LOC128706666: variants seen among roughly 807,000 people sequenced by gnomAD.
chr20:10,416,854 C>T, the LOC128706666 span, among the ~76,000 whole-genome samples: 4 of 152,316 alleles, frequency 2.6e-5, no homozygotes, highest in South Asian at 2.1e-4. Context: ...TATTGGAAAG[C>T]AGCCATGCTC....
chr20:10,416,928 G>C, the LOC128706666 span, among the ~76,000 whole-genome samples: 2 of 152,186 alleles, frequency 1.3e-5, no homozygotes, highest in Non-Finnish European at 2.9e-5. Flanking sequence ...GGTTGGTATA[G>C]ACACTATATG....
the LOC128706666 span, among the ~76,000 whole-genome samples, chr20:10,429,672 A>G: frequency 0.48 from 72,863 of 151,958 alleles, 18,331 homozygotes; most frequent in Non-Finnish European, 0.56. Context: ...CATGCTCCTC[A>G]TCAACTCACT....
At chr20:10,432,381 G>C in the LOC128706666 span, among the ~76,000 whole-genome samples, 1 of 152,118 alleles carries the variant, frequency 6.6e-6, no homozygotes, top group African/African-American at 2.4e-5. Context: ...CCCAACCTAG[G>C]ACAATCTAGA....
At chr20:10,416,895 T>C in the LOC128706666 span, among the ~76,000 whole-genome samples, 5 of 152,304 alleles carry the variant, frequency 3.3e-5, no homozygotes, top group African/African-American at 1.2e-4. Context: ...TGAGTGCTTT[T>C]ACACTACAAC....
chr20:10,421,312 T>G, the LOC128706666 span, among the ~76,000 whole-genome samples: 2 of 151,308 alleles, frequency 1.3e-5, no homozygotes, highest in African/African-American at 4.9e-5. Flanking sequence ...TAATCCTAGC[T>G]ACTCTGGAGG....
chr20:10,417,656 C>A, the LOC128706666 span, among the ~76,000 whole-genome samples: 2 of 111,248 alleles, frequency 1.8e-5, no homozygotes, highest in East Asian at 4.3e-4. Flanking sequence ...TGCTACTGCA[C>A]TGTAGCCTTC....
At chr20:10,418,177 G>A in the LOC128706666 span, among the ~76,000 whole-genome samples, 1 of 152,214 alleles carries the variant, frequency 6.6e-6, no homozygotes, top group South Asian at 2.1e-4. Context: ...GGACTACATA[G>A]TGGAGCTTAA....
chr20:10,418,596 T>C, the LOC128706666 span, among the ~76,000 whole-genome samples: 1 of 152,154 alleles, frequency 6.6e-6, no homozygotes, highest in South Asian at 2.1e-4. Flanking sequence ...TTTTAACTAT[T>C]GCTGCACTGG....
the LOC128706666 span, among the ~76,000 whole-genome samples, chr20:10,419,772 C>A: frequency 6.6e-6 from 1 of 152,116 alleles, no homozygotes; most frequent in African/African-American, 2.4e-5. Context: ...TCACATCCTG[C>A]GTGGATGAAG....
At chr20:10,427,225 A>G in the LOC128706666 span, among the ~76,000 whole-genome samples, 2 of 152,204 alleles carry the variant, frequency 1.3e-5, no homozygotes, top group Admixed American at 6.5e-5. Context: ...TAGGCCTAAA[A>G]TAACTTGGAT....
chr20:10,432,519 G>A, the LOC128706666 span, among the ~76,000 whole-genome samples: 1 of 151,938 alleles, frequency 6.6e-6, no homozygotes, highest in African/African-American at 2.4e-5. Context: ...TAGGCCAGAC[G>A]CCGTGGGTCA....
At chr20:10,416,865 A>C in the LOC128706666 span, among the ~76,000 whole-genome samples, 1 of 152,224 alleles carries the variant, frequency 6.6e-6, no homozygotes, top group Non-Finnish European at 1.5e-5. Context: ...AGCCATGCTC[A>C]TTAATTTGTG....
At chr20:10,417,581 G>A in the LOC128706666 span, among the ~76,000 whole-genome samples, 1 of 151,916 alleles carries the variant, frequency 6.6e-6, no homozygotes, top group Admixed American at 6.6e-5. Context: ...CTGCACTGTA[G>A]CCTGGGTGAC....
chr20:10,419,174 C>T, the LOC128706666 span, among the ~76,000 whole-genome samples: 2 of 152,240 alleles, frequency 1.3e-5, no homozygotes, highest in East Asian at 3.9e-4. Flanking sequence ...CAGAACCTTA[C>T]ACTCATCTAT....
At chr20:10,430,806 A>C in the LOC128706666 span, among the ~76,000 whole-genome samples, 717 of 152,154 alleles carry the variant, frequency 4.7e-3, 4 homozygotes, top group African/African-American at 0.016. Context: ...AATTTCATGT[A>C]TGTTTCTCTA....
the LOC128706666 span, among the ~76,000 whole-genome samples, chr20:10,431,345 G>A: frequency 2.6e-5 from 4 of 152,060 alleles, no homozygotes; most frequent in Non-Finnish European, 5.9e-5. Context: ...CTTCAAATAT[G>A]TACAAGATTA....
chr20:10,431,465 C>T, the LOC128706666 span, among the ~76,000 whole-genome samples: 2 of 151,976 alleles, frequency 1.3e-5, no homozygotes, highest in African/African-American at 2.4e-5. Flanking sequence ...AAGGAGAATA[C>T]AGGTTTGAGA....
the LOC128706666 span, among the ~76,000 whole-genome samples, chr20:10,416,494 G>A: frequency 1.3e-5 from 2 of 151,622 alleles, no homozygotes; most frequent in Non-Finnish European, 2.9e-5. Context: ...AAAACATGAC[G>A]ACAGCAACAG....
the LOC128706666 span, among the ~76,000 whole-genome samples, chr20:10,427,517 T>A: frequency 2.0e-5 from 3 of 152,222 alleles, no homozygotes; most frequent in Non-Finnish European, 2.9e-5. Context: ...ATGACAATGT[T>A]GGCTTTAGGT....
Sources: allele counts gnomAD v4.1 joint callset (sites outside exome capture counted in the v4.1 genomes callset), GRCh38; gene constraint gnomAD v4.1.1; transcripts MANE v1.5.